The following DUSP16 variants were observed in gnomAD, a reference collection of about 807,000 sequenced individuals.
The protein encoded by DUSP16 is dual specificity protein phosphatase 16.
DUSP16 carries 21 observed loss-of-function variants against 58.3 expected under a neutral mutation model. The observed-to-expected ratio is 0.36, with a 90% confidence interval of 0.26 to 0.52. DUSP16 has a LOEUF of 0.52. Ranked by LOEUF, DUSP16 falls within the 20% of genes least tolerant of loss-of-function variation. The pLI, the probability that DUSP16 is intolerant of heterozygous loss-of-function variation, is 0.94. For synonymous variants in DUSP16, 320 were observed against 323.8 expected, an observed-to-expected ratio of 0.99 and a Z score of 0.12; for missense variants, 726 against 819.0, an observed-to-expected ratio of 0.89 and a Z score of 1.39.
chr12:12,496,646 A>G (rs1262842977), intron 4 of DUSP16, among the ~76,000 whole-genome samples: 3 of 152,238 alleles, frequency 2.0e-5, no homozygotes, highest in Non-Finnish European at 4.4e-5. Context: ...AAAAGTCTGC[A>G]TTTGAAATTG....
At chr12:12,489,417 A>C (rs188709338) in intron 4 of DUSP16, among the ~76,000 whole-genome samples, 2 of 152,250 alleles carry the variant, frequency 1.3e-5, no homozygotes, top group African/African-American at 4.8e-5. Context: ...AAACTGATTC[A>C]GGATCACTCA....
In DUSP16 at chr12:12,531,247, G is replaced by A. The variant is rs144922155; in HGVS notation, c.-365-9784C>T. ...GGAGCAAGCAATGGAATGCAACACC[G>A]ACACCAAACTTCTCACCCACCTGCA... On this transcript the variant is annotated intron_variant, in intron 1 of 6. Coordinates refer to ENST00000298573, the MANE Select transcript of DUSP16 (RefSeq NM_030640.3). 3.7e-3 allele frequency among the ~76,000 whole-genome samples: 566 copies of A among 152,154 alleles called. 6 individuals are homozygous for A. The highest frequency in any genetic ancestry group is 0.013 in the African/African-American group (552 of 41,498).
chr12:12,523,328 A>G (rs538865171), intron 1 of DUSP16, among the ~76,000 whole-genome samples: 2 of 152,332 alleles, frequency 1.3e-5, no homozygotes, highest in Non-Finnish European at 2.9e-5. Flanking sequence ...AAAATACCCT[A>G]CAGATGCCAA....
At chr12:12,522,567 A>AT (rs200720540) in intron 1 of DUSP16, among the ~76,000 whole-genome samples, 10,068 of 145,814 alleles carry the variant, frequency 0.069, 467 homozygotes, top group East Asian at 0.21. Flanking sequence ...TAGAGGGTAA[A>AT]TTTTTTTTTT....
rs1043813559 is a variant in DUSP16 at position 12,509,230 on chromosome 12, C to T, written c.368-8548G>A. On this transcript the variant is annotated intron_variant, in intron 3 of 6. Transcript: ENST00000298573. Reference sequence around the variant, plus strand: ...GAGCCAGAGTCACAGAGTCTCCCTACTATTTTCCTAACACATCTGTGCTTT... The same window carrying T: ...GAGCCAGAGTCACAGAGTCTCCCTATTATTTTCCTAACACATCTGTGCTTT... Among the ~76,000 whole-genome samples the T allele has an allele frequency of 6.6e-5, 10 of 152,334 alleles. No homozygotes were observed. In the East Asian group the frequency reaches 1.7e-3, roughly 26 times the overall value.
rs920302731 is a variant in DUSP16, at chr12:12,474,727, C to T, written c.*2106G>A. 1 of 152,212 alleles carries T rather than the reference C, an allele frequency of 6.6e-6. No individual in the cohort carries two copies. Among genetic ancestry groups the T allele is most frequent in the Non-Finnish European group, 1.5e-5 (1 of 68,060 alleles). The allele number at this position is 152,212 out of a possible 1,614,324, so 9.4% of individuals were successfully genotyped here. A position where few individuals can be genotyped will look rare whatever the true frequency, so the allele number is the denominator to read the frequency against. The stretch of plus-strand genomic sequence containing the variant: ...CAGAAGCTCATTAAAACCAAGTCCC[C>T]CAAACCTCCTGAAACATCGTTAGCA... On this transcript the variant is annotated 3_prime_UTR_variant, in exon 7 of 7. Coordinates refer to ENST00000298573, the MANE Select transcript of DUSP16 (RefSeq NM_030640.3).
Position 12,473,898 on chromosome 12 carries a change from C to CT in DUSP16, c.*2934dup, listed in dbSNP as rs1294309893. ...AATGGGCCATGTGTGTGTAGCTGGC[C>CT]TTTTTTTTCCTACCATGTACTTGTG... On this transcript the variant is annotated 3_prime_UTR_variant, in exon 7 of 7. Transcript: ENST00000298573. Among the ~76,000 whole-genome samples, 4 of 152,154 alleles carry CT rather than the reference C, an allele frequency of 2.6e-5. No homozygotes were observed. The East Asian group carries it at 5.8e-4, about 22-fold the overall frequency.
chr12:12,533,734 G>A (rs1239952508), intron 1 of DUSP16, among the ~76,000 whole-genome samples: 2 of 152,130 alleles, frequency 1.3e-5, no homozygotes, highest in South Asian at 2.1e-4. Flanking sequence ...AAGATACTGT[G>A]GACTAGGACT....
rs1490870667 is a variant in DUSP16, at chr12:12,475,875, CAAAT to C, written c.*954_*957del. The stretch of plus-strand genomic sequence containing the variant: ...AGGTGCTGCTGCTCTGCTACCAACC[CAAAT>C]AAATTCACATTTGGCTTGAAACCAA... On this transcript the variant is annotated 3_prime_UTR_variant, in exon 7 of 7. Coordinates refer to ENST00000298573, the MANE Select transcript of DUSP16 (RefSeq NM_030640.3). 2 of 152,234 alleles carry C rather than the reference CAAAT, an allele frequency of 1.3e-5. No individual in the cohort carries two copies. Among genetic ancestry groups the C allele is most frequent in the Admixed American group, 6.5e-5 (1 of 15,286 alleles). The allele number at this position is 152,234 out of a possible 1,614,324, so 9.4% of individuals were successfully genotyped here. A position where few individuals can be genotyped will look rare whatever the true frequency, so the allele number is the denominator to read the frequency against.
chr12:12,495,243 A>G (rs1251982854), intron 4 of DUSP16, among the ~76,000 whole-genome samples: 1 of 151,794 alleles, frequency 6.6e-6, no homozygotes, highest in Non-Finnish European at 1.5e-5. Context: ...TTACAAAAAA[A>G]AAAAAAAAAA....
rs1336251721 is a variant in DUSP16, at chr12:12,477,003, G to A, written c.1828C>T (p.Arg610Trp). The change falls in exon 7 of 7, where the codon CGG (arginine) becomes TGG (tryptophan). Residue 610 changes from arginine (R) to tryptophan (W), a missense_variant. Coordinates refer to ENST00000298573, the MANE Select transcript of DUSP16 (RefSeq NM_030640.3). This position sits in a 1 kb window ranked among gnomAD's most constrained non-coding sequence, Gnocchi z 4.1. ...GGGCTCTCTTCATGCCAGCTCCGCC[G>A]CGAGTCAGCTCTGTCACTTGGCTTC... ...RQKPSDRADS[R>W]RSWHEESPFE... 4.3e-6 allele frequency: 7 copies of A among 1,614,082 alleles called. No individual in the cohort carries two copies. Among genetic ancestry groups the A allele is most frequent in the Admixed American group, 1.7e-5 (1 of 60,010 alleles).
chr12:12,551,940 C>A (rs1944734768), intron 1 of DUSP16, among the ~76,000 whole-genome samples: 1 of 152,094 alleles, frequency 6.6e-6, no homozygotes, highest in Non-Finnish European at 1.5e-5. Flanking sequence ...GATCCACCTG[C>A]CTCGGCCTCC....
intron 1 of DUSP16, among the ~76,000 whole-genome samples, chr12:12,528,990 T>A (rs1236603859): frequency 1.3e-5 from 2 of 152,172 alleles, no homozygotes; most frequent in East Asian, 3.8e-4. Flanking sequence ...CCAATGAATA[T>A]ACTAGCCAAG....
intron 5 of DUSP16, 58 bp downstream of exon 5, chr12:12,486,970 T>C: frequency 1.3e-6 from 2 of 1,585,992 alleles, no homozygotes. Context: ...GCTGAGGGGG[T>C]TCACCTACAC....
At position 12,476,718 on chromosome 12, in the gene DUSP16, G is replaced by C. The variant is rs1177188329; in HGVS notation, c.*115C>G. 1.1e-6 allele frequency: 1 copy of C among 908,480 alleles called. No individual in the cohort carries two copies. Among genetic ancestry groups the C allele is most frequent in the Non-Finnish European group, 1.6e-6 (1 of 615,862 alleles). The allele number at this position is 908,480 out of a possible 1,614,324, so 56.3% of individuals were successfully genotyped here. On this transcript the variant is annotated 3_prime_UTR_variant, in exon 7 of 7. Transcript: ENST00000298573. ...ATCCACCTGTTGCTTTTACACCATA[G>C]CTCCATTTTCCAAAAATATATATGT...
chr12:12,519,997 C>A lies in DUSP16; in HGVS notation c.232G>T (p.Asp78Tyr). Residue 78 changes from aspartate (D) to tyrosine (Y), a missense_variant, in exon 3 of 7, where the codon GAC (aspartate) becomes TAC (tyrosine). Coordinates refer to ENST00000298573, the MANE Select transcript of DUSP16 (RefSeq NM_030640.3). The stretch of plus-strand genomic sequence containing the variant: ...ACAACCTTCTGACTGCAATCAATGT[C>A]AACCTGAAATGCAAACATGAGGCTT... ...LIQHSAKHKVDIDCSQKVVVY... is the reference protein window; with the variant it reads ...LIQHSAKHKVYIDCSQKVVVY... 1 of 1,614,036 alleles carries A rather than the reference C, an allele frequency of 6.2e-7. No homozygotes were observed. Among genetic ancestry groups the A allele is most frequent in the Non-Finnish European group, 8.5e-7 (1 of 1,179,958 alleles).
At chr12:12,487,290 T>A in intron 4 of DUSP16, 103 bp from the exon 5 acceptor site, 3 of 1,298,962 alleles carry the variant, frequency 2.3e-6, no homozygotes, top group Non-Finnish European at 3.2e-6. Flanking sequence ...CCCAGTTTCC[T>A]TGAAATATAA....
At chr12:12,532,462 A>C (rs1202389223) in intron 1 of DUSP16, among the ~76,000 whole-genome samples, 1 of 152,232 alleles carries the variant, frequency 6.6e-6, no homozygotes, top group Non-Finnish European at 1.5e-5. Context: ...CATACGATGG[A>C]TATGTATAAA....
chr12:12,558,694 T>C (rs1944847991), intron 1 of DUSP16, among the ~76,000 whole-genome samples: 1 of 152,194 alleles, frequency 6.6e-6, no homozygotes, highest in African/African-American at 2.4e-5. Flanking sequence ...TTTTTTAATG[T>C]AATAAAAAAA....
Sources: gnomAD v4.1 joint callset for allele counts (sites outside exome capture counted in the v4.1 genomes callset) on GRCh38, gnomAD v4.1.1 for gene constraint, Gnocchi (gnomAD v3.1) non-coding constraint, MANE v1.5 for transcripts, NCBI Gene and HGNC (gene_info 2026-07-23, HGNC 2026-07-21) for gene names.